PCNT: variants seen among roughly 807,000 people sequenced by gnomAD.
PCNT encodes the protein kendrin.
Under a neutral mutation model 380.4 loss-of-function variants are expected in PCNT, and 319 were observed. That is an observed-to-expected ratio of 0.84 (90% confidence interval 0.77 to 0.92). PCNT has a LOEUF of 0.92. Among genes scored for constraint, PCNT ranks in the 40% least tolerant of loss-of-function variants. The probability of loss-of-function intolerance (pLI) is 0.00; values close to 1 mark genes in which losing one functional copy is unlikely to be tolerated. For missense variants in PCNT, 4,400 were observed against 4,255.3 expected (o/e 1.03, Z -0.95); for synonymous variants, 1,845 against 1,735.2 (o/e 1.06, Z -1.57).
At chr21:46,391,074 G>T (rs2086014406) in intron 20 of PCNT, 90 bp from the exon 21 acceptor site, 1 of 1,309,748 alleles carries the variant, frequency 7.6e-7, no homozygotes, top group East Asian at 2.5e-5. Flanking sequence ...GCTGCTCTCA[G>T]GGGCAGTGGC....
At chr21:46,330,047 A>T (rs2083508193) in intron 2 of PCNT, among the ~76,000 whole-genome samples, 1 of 152,184 alleles carries the variant, frequency 6.6e-6, no homozygotes, top group Admixed American at 6.5e-5. Context: ...TTTCCACAGA[A>T]TTCCTGACAT....
At chr21:46,370,590 A>G (rs1457149055) in intron 15 of PCNT, among the ~76,000 whole-genome samples, 1 of 152,098 alleles carries the variant, frequency 6.6e-6, no homozygotes, top group Non-Finnish European at 1.5e-5. Flanking sequence ...GTAGACACAG[A>G]AGCACATTTA....
At chr21:46,355,698 G>T (rs2084449242) in intron 12 of PCNT, 72 bp downstream of exon 12, 1 of 1,509,250 alleles carries the variant, frequency 6.6e-7, no homozygotes, top group East Asian at 2.3e-5. Flanking sequence ...GAGCCTGGGT[G>T]CCTGGGTTCG....
chr21:46,373,464 G>T (rs181689919), intron 15 of PCNT, among the ~76,000 whole-genome samples: 1 of 133,270 alleles, frequency 7.5e-6, no homozygotes, highest in Non-Finnish European at 1.5e-5. Context: ...ACAGAGTCTC[G>T]CTCTGTCTCC....
intron 20 of PCNT, 129 bp from the exon 21 acceptor site, chr21:46,391,035 G>A: frequency 9.0e-7 from 1 of 1,112,506 alleles, no homozygotes; most frequent in Non-Finnish European, 1.3e-6. Context: ...CCTACACCTG[G>A]GTCCTGGAAG....
intron 15 of PCNT, among the ~76,000 whole-genome samples, chr21:46,375,872 C>T (rs1315464660): frequency 6.6e-6 from 1 of 152,224 alleles, no homozygotes; most frequent in Non-Finnish European, 1.5e-5. Context: ...CAGGGCCAAG[C>T]GTGGACAGTT....
chr21:46,372,630 G>T (rs2085190607), intron 15 of PCNT, among the ~76,000 whole-genome samples: 1 of 152,206 alleles, frequency 6.6e-6, no homozygotes, highest in Admixed American at 6.5e-5. Context: ...TTTAAACAAG[G>T]ACATGCTAAG....
In PCNT at chr21:46,422,916, G is replaced by A. The variant is rs186594463; in HGVS notation, c.7179+792G>A. 5.6e-4 allele frequency among the ~76,000 whole-genome samples: 86 copies of A among 152,216 alleles called. 1 individual carries two copies. Among genetic ancestry groups the A allele is most frequent in the Admixed American group, 5.3e-3 (81 of 15,290 alleles). On this transcript the variant is annotated intron_variant, in intron 32 of 46. Coordinates refer to ENST00000359568, the MANE Select transcript of PCNT (RefSeq NM_006031.6). Reference sequence around the variant, plus strand: ...GCGGTTTCCAAAACCCATCCATGACGTTAAGTGAGGACTTACTGCATTCAG... The same window carrying A: ...GCGGTTTCCAAAACCCATCCATGACATTAAGTGAGGACTTACTGCATTCAG...
Position 46,445,604 on chromosome 21 carries a change from C to G in PCNT, c.*277C>G. 2.1e-6 allele frequency: 1 copy of G among 483,148 alleles called. No individual in the cohort carries two copies. Among genetic ancestry groups the G allele is most frequent in the South Asian group, 2.8e-5 (1 of 36,192 alleles). 29.9% of individuals were successfully genotyped at this position (483,148 alleles called of 1,614,324 possible). ...AGCCCTGGCTGTGTGCTGTTGTGTG[C>G]CTATCGGCAGATCCATCCTTCCTGC... is the stretch of plus-strand genomic sequence containing the variant. On this transcript the variant is annotated 3_prime_UTR_variant, in exon 47 of 47. Transcript: ENST00000359568.
chr21:46,442,058 G>A (rs901245258), intron 43 of PCNT, among the ~76,000 whole-genome samples: 12 of 152,302 alleles, frequency 7.9e-5, no homozygotes, highest in Admixed American at 5.2e-4. Flanking sequence ...GGACTCCTGC[G>A]AGGGCTGGGG....
chr21:46,435,832 G>C (rs189668832), intron 38 of PCNT, 72 bp from the exon 39 acceptor site: 13 of 1,592,286 alleles, frequency 8.2e-6, no homozygotes, highest in Non-Finnish European at 1.1e-5. Flanking sequence ...ATGAACCACC[G>C]CGCCCGGCCG....
At chr21:46,410,069 T>C (rs1440254906) in intron 27 of PCNT, among the ~76,000 whole-genome samples, 4 of 152,386 alleles carry the variant, frequency 2.6e-5, no homozygotes, top group African/African-American at 9.6e-5. Context: ...ATAATCAGAA[T>C]TGTCCTCGAA....
rs753856351 is a variant in PCNT at position 46,438,334 on chromosome 21, A to C, written c.9270A>C (p.Pro3090=). The C allele has an allele frequency of 6.2e-7, 1 of 1,613,820 alleles. No individual in the cohort carries two copies. Among genetic ancestry groups the C allele is most frequent in the Non-Finnish European group, 8.5e-7 (1 of 1,179,746 alleles). The part of the protein sequence containing the change: ...LKHHLQKGCS[P]SRSERSAWKP... ...ACCATCTGCAGAAGGGCTGCAGCCC[A>C]AGCGTAGGTGTCTGTGCTTAACTCT... The change falls in exon 41 of 47, where the codon CCA becomes CCC. Residue 3090 remains proline (P), a synonymous_variant. Transcript: ENST00000359568.
chr21:46,325,222 T>TC (rs112048989), intron 1 of PCNT: 22 of 980,404 alleles, frequency 2.2e-5, no homozygotes, highest in Middle Eastern at 5.2e-4. Flanking sequence ...TGCGCGCCGC[T>TC]CCCCCCCAGG....
intron 13 of PCNT, among the ~76,000 whole-genome samples, chr21:46,361,385 C>T (rs777575993): frequency 2.6e-5 from 4 of 152,090 alleles, no homozygotes; most frequent in African/African-American, 2.4e-5. Context: ...AGCGAGACTC[C>T]GTCTCAAAGA....
In PCNT at chr21:46,416,348, AATC is replaced by A. The variant is rs771271898; in HGVS notation, c.6432_6434del (p.Asn2144_Gln2145delinsLys). ...GGGGGGTGTAACTGATGTTATCAAA[AATC>A]AGGCCATAGACGCGTGTGATGCCAA... On this transcript the variant is annotated inframe_deletion, in exon 30 of 47. Coordinates refer to ENST00000359568, the MANE Select transcript of PCNT (RefSeq NM_006031.6). 6.2e-7 allele frequency: 1 copy of A among 1,614,052 alleles called. No homozygotes were observed. The highest frequency in any genetic ancestry group is 1.7e-5 in the Admixed American group (1 of 60,012).
intron 3 of PCNT, 57 bp downstream of exon 3, chr21:46,334,825 G>T: frequency 1.2e-6 from 2 of 1,613,026 alleles, no homozygotes; most frequent in Admixed American, 3.3e-5. Flanking sequence ...TCTTTATGTT[G>T]TAGAAATCCA....
At chr21:46,346,395 A>G (rs2084068817) in intron 4 of PCNT, among the ~76,000 whole-genome samples, 187 bp downstream of exon 4, 1 of 152,156 alleles carries the variant, frequency 6.6e-6, no homozygotes, top group African/African-American at 2.4e-5. Flanking sequence ...GCTGGGGGTC[A>G]GGGGGCTTGG....
rs568438642 is a variant in PCNT at position 46,441,659 on chromosome 21, G to T, written c.9623+575G>T. Among the ~76,000 whole-genome samples, 11 of 152,294 alleles carry T rather than the reference G, an allele frequency of 7.2e-5. No homozygotes were observed. In the East Asian group the frequency reaches 2.1e-3, roughly 29 times the overall value. On this transcript the variant is annotated intron_variant, in intron 43 of 46. Coordinates refer to ENST00000359568, the MANE Select transcript of PCNT (RefSeq NM_006031.6). ...CGTCTCTGAGCTCCCCTGACCGTAG[G>T]CCTCCACCGTCCATCCTTCCACCCA...
Sources: gnomAD v4.1 joint callset for allele counts (sites outside exome capture counted in the v4.1 genomes callset) on GRCh38, gnomAD v4.1.1 for gene constraint, MANE v1.5 for transcripts, NCBI Gene and HGNC (gene_info 2026-07-23, HGNC 2026-07-21) for gene names.